The following GRID2 variants were observed in gnomAD, a reference collection of about 807,000 sequenced individuals.
GRID2 encodes the protein glutamate ionotropic receptor delta type subunit 2.
A neutral mutation model predicts 114.8 loss-of-function variants in GRID2; 33 were observed. That is an observed-to-expected ratio of 0.29 (90% CI 0.22 to 0.38). The LOEUF (loss-of-function observed/expected upper bound fraction) is 0.38. GRID2 is among the 10% of genes least tolerant of loss of function. GRID2 has a pLI of 1.00. For synonymous variants in GRID2, 505 were observed against 449.9 expected, an observed-to-expected ratio of 1.12 and a Z score of -1.55; for missense variants, 1,184 against 1,257.7, an observed-to-expected ratio of 0.94 and a Z score of 0.89.
intron 2 of GRID2, among the ~76,000 whole-genome samples, chr4:92,681,464 G>A (rs370336274): frequency 6.6e-6 from 1 of 151,808 alleles, no homozygotes; most frequent in Admixed American, 6.6e-5. Flanking sequence ...CTTCTTCCAC[G>A]TCCCTACAAA....
chr4:93,654,303 T>C (rs923430317), intron 14 of GRID2, among the ~76,000 whole-genome samples: 23 of 152,176 alleles, frequency 1.5e-4, no homozygotes, highest in Admixed American at 1.5e-3. Flanking sequence ...GCTTTATTCA[T>C]AAAACACTTT....
At chr4:92,377,617 A>G (rs995000180) in intron 1 of GRID2, among the ~76,000 whole-genome samples, 2 of 152,140 alleles carry the variant, frequency 1.3e-5, no homozygotes, top group African/African-American at 4.8e-5. Context: ...GCTGCTGATA[A>G]AGACATACCT....
chr4:93,353,592 C>A (rs959102733), intron 8 of GRID2, among the ~76,000 whole-genome samples: 1 of 151,630 alleles, frequency 6.6e-6, no homozygotes, highest in Non-Finnish European at 1.5e-5. Context: ...AATGTGAGAA[C>A]ATGGAAAATG....
chr4:93,279,345 A>T (rs1030914920), intron 8 of GRID2, among the ~76,000 whole-genome samples: 4 of 151,898 alleles, frequency 2.6e-5, no homozygotes, highest in Admixed American at 2.6e-4. Flanking sequence ...TATATCTGAC[A>T]TCAATATGTT....
At position 93,547,008 on chromosome 4, in the gene GRID2, C is replaced by A. The variant is rs563080277; in HGVS notation, c.2193+31597C>A. On this transcript the variant is annotated intron_variant, in intron 13 of 15. Coordinates refer to ENST00000282020, the MANE Select transcript of GRID2 (RefSeq NM_001510.4). ...AGGGTCTTTCTAATTTTGCCGTCAA[C>A]AAAGCCCATCAAAGGTGAAAGACAC... Among the ~76,000 whole-genome samples, 10 of 152,180 alleles carry A rather than the reference C, an allele frequency of 6.6e-5. 1 individual carries two copies. In the South Asian group the frequency reaches 2.1e-3, roughly 32 times the overall value.
At chr4:92,615,200 A>G (rs965797813) in intron 2 of GRID2, among the ~76,000 whole-genome samples, 10 of 151,488 alleles carry the variant, frequency 6.6e-5, no homozygotes, top group African/African-American at 2.4e-4. Flanking sequence ...TCTTTCTTTG[A>G]TACATACCGA....
chr4:93,363,618 A>G lies in GRID2; in HGVS notation c.1246-31989A>G, dbSNP rs542465916. Among the ~76,000 whole-genome samples the G allele has an allele frequency of 7.2e-4, 109 of 152,038 alleles. No individual in the cohort carries two copies. In the Middle Eastern group the frequency reaches 0.014, roughly 19 times the overall value. On this transcript the variant is annotated intron_variant, in intron 8 of 15. Transcript: ENST00000282020. Reference sequence around the variant, plus strand: ...TCTCTTTCTTGCAATGTATGTATTTACCTTCTTTTGTGACATAGAACATAT... The same window carrying G: ...TCTCTTTCTTGCAATGTATGTATTTGCCTTCTTTTGTGACATAGAACATAT...
At chr4:92,933,278 T>G (rs1206966289) in intron 2 of GRID2, among the ~76,000 whole-genome samples, 1 of 151,322 alleles carries the variant, frequency 6.6e-6, no homozygotes, top group Non-Finnish European at 1.5e-5. Context: ...TTACATTATT[T>G]TAAGTGGTGT....
chr4:93,197,688 C>T (rs1404045418), intron 4 of GRID2, among the ~76,000 whole-genome samples: 2 of 152,086 alleles, frequency 1.3e-5, no homozygotes, highest in African/African-American at 4.8e-5. Flanking sequence ...ATTTAGTCCT[C>T]ACTATGCCTC....
chr4:93,294,307 A>C (rs1424970737), intron 8 of GRID2, among the ~76,000 whole-genome samples: 1 of 152,134 alleles, frequency 6.6e-6, no homozygotes, highest in East Asian at 1.9e-4. Context: ...CAGGCTAGTC[A>C]TTGAAGGAAC....
In GRID2 at chr4:92,341,771, C is replaced by G. The variant is rs371427425; in HGVS notation, c.88+37027C>G. Among the ~76,000 whole-genome samples the G allele has an allele frequency of 4.1e-4, 62 of 152,036 alleles. 1 individual carries two copies. The East Asian group carries it at 8.9e-3, about 22-fold the overall frequency. On this transcript the variant is annotated intron_variant, in intron 1 of 15. Coordinates refer to ENST00000282020, the MANE Select transcript of GRID2 (RefSeq NM_001510.4). Reference sequence around the variant, plus strand: ...CTACTAAAAATACAAAAAAATTAGCCAGGCGTGGTGGCGGGCGCCTGTAGT... The same window carrying G: ...CTACTAAAAATACAAAAAAATTAGCGAGGCGTGGTGGCGGGCGCCTGTAGT...
chr4:93,033,355 C>T (rs563289894), intron 2 of GRID2, among the ~76,000 whole-genome samples: 8 of 152,264 alleles, frequency 5.3e-5, no homozygotes, highest in Middle Eastern at 3.4e-3. Context: ...GGAAGAAGTA[C>T]CTAAGGCAGA....
At chr4:93,427,284 C>G (rs556653903) in intron 10 of GRID2, among the ~76,000 whole-genome samples, 4 of 151,848 alleles carry the variant, frequency 2.6e-5, no homozygotes, top group Admixed American at 6.6e-5. Flanking sequence ...AAAATTACAC[C>G]GTTGAAATGG....
intron 6 of GRID2, among the ~76,000 whole-genome samples, chr4:93,223,074 G>A (rs4444791): frequency 0.51 from 77,152 of 151,880 alleles, 19,972 homozygotes; most frequent in Middle Eastern, 0.66. Flanking sequence ...ATTTCCCTGG[G>A]CATGTATCCT....
At chr4:92,886,786 C>A (rs780498692) in intron 2 of GRID2, among the ~76,000 whole-genome samples, 1 of 151,904 alleles carries the variant, frequency 6.6e-6, no homozygotes, top group Non-Finnish European at 1.5e-5. Flanking sequence ...CCACCACGTC[C>A]GGCTAATTTT....
intron 8 of GRID2, among the ~76,000 whole-genome samples, chr4:93,321,384 T>C (rs991720009): frequency 6.6e-6 from 1 of 152,098 alleles, no homozygotes; most frequent in African/African-American, 2.4e-5. Flanking sequence ...ATTTTCAAAA[T>C]ATGTTTGAAA....
intron 9 of GRID2, among the ~76,000 whole-genome samples, chr4:93,403,705 T>C (rs1430464526): frequency 1.3e-5 from 2 of 152,110 alleles, no homozygotes; most frequent in Non-Finnish European, 2.9e-5. Context: ...AGGATGGCTA[T>C]ATTCAAAATG....
intron 2 of GRID2, among the ~76,000 whole-genome samples, chr4:92,681,602 A>C (rs1733653190): frequency 6.6e-6 from 1 of 152,266 alleles, no homozygotes; most frequent in East Asian, 1.9e-4. Flanking sequence ...ATGATGAGTT[A>C]ATGGGTGCAG....
intron 2 of GRID2, among the ~76,000 whole-genome samples, chr4:92,921,571 G>A (rs979384792): frequency 6.6e-6 from 1 of 152,162 alleles, no homozygotes; most frequent in Admixed American, 6.6e-5. Context: ...TAACAGTCAG[G>A]ACCCTCAGCT....
Sources: allele counts gnomAD v4.1 joint callset (sites outside exome capture counted in the v4.1 genomes callset), GRCh38; gene constraint gnomAD v4.1.1; transcripts MANE v1.5; gene names NCBI Gene and HGNC (gene_info 2026-07-23, HGNC 2026-07-21).